Variants in NPAS3 observed in about 807,000 individuals in gnomAD.
NPAS3 encodes the protein neuronal PAS domain protein 3, also known as neuronal PAS domain-containing protein 3.
Under a neutral mutation model 73.1 loss-of-function variants are expected in NPAS3, and 14 were observed. The ratio of observed to expected loss-of-function variants is 0.19; its 90% CI spans 0.13 to 0.30. The LOEUF is 0.30. Among genes scored for constraint, NPAS3 ranks in the 10% least tolerant of loss-of-function variants. NPAS3 has a pLI of 1.00. For missense variants in NPAS3, 1,096 were observed against 1,250.0 expected (o/e 0.88, Z 1.86); for synonymous variants, 620 against 541.5 (o/e 1.14, Z -2.01).
Position 33,629,884 on chromosome 14 carries a change from T to C in NPAS3, c.559-46327T>C, listed in dbSNP as rs923288350. 4.6e-5 allele frequency among the ~76,000 whole-genome samples: 7 copies of C among 152,310 alleles called. No homozygotes were observed. The South Asian group carries it at 1.2e-3, about 27-fold the overall frequency. On this transcript the variant is annotated intron_variant, in intron 5 of 11. Coordinates refer to ENST00000356141, the Ensembl canonical transcript of NPAS3. ...TGATAGATAGCTCATGATTAAAATA[T>C]CTCTTTTCTTTGTGCAATGAGCCAG... is the stretch of plus-strand genomic sequence containing the variant.
At chr14:33,778,886 C>T (rs2062898958) in intron 9 of NPAS3, among the ~76,000 whole-genome samples, 1 of 152,138 alleles carries the variant, frequency 6.6e-6, no homozygotes, top group African/African-American at 2.4e-5. Context: ...CTTTCATTTT[C>T]TGGAGAACAA....
At chr14:33,634,760 T>C (rs988478420) in intron 5 of NPAS3, among the ~76,000 whole-genome samples, 1 of 152,142 alleles carries the variant, frequency 6.6e-6, no homozygotes, top group Non-Finnish European at 1.5e-5. Context: ...TGTGGAACAT[T>C]GTGGTAGAGA....
At chr14:33,773,349 G>A (rs1201825844) in intron 7 of NPAS3, among the ~76,000 whole-genome samples, 3 of 152,160 alleles carry the variant, frequency 2.0e-5, no homozygotes, top group African/African-American at 7.2e-5. Context: ...TGGCTTTGGA[G>A]GATTCCCCAC....
At chr14:32,948,243 T>TA (rs1362475477) in intron 1 of NPAS3, among the ~76,000 whole-genome samples, 2 of 152,148 alleles carry the variant, frequency 1.3e-5, no homozygotes, top group Non-Finnish European at 2.9e-5. Context: ...CATAAATACT[T>TA]AAAAAATTTA....
At chr14:33,615,888 A>G (rs1376539628) in intron 5 of NPAS3, among the ~76,000 whole-genome samples, 1 of 152,084 alleles carries the variant, frequency 6.6e-6, no homozygotes, top group Admixed American at 6.5e-5. Context: ...CCGAGGCAAA[A>G]ATGTTGCCCT....
At chr14:33,352,044 A>T (rs1594752923) in intron 3 of NPAS3, among the ~76,000 whole-genome samples, 1 of 108,388 alleles carries the variant, frequency 9.2e-6, no homozygotes, top group Admixed American at 8.3e-5. Flanking sequence ...TTAACGTGTT[A>T]AAAAAAAAAC....
chr14:33,761,410 ACTT>A (rs1216955113), intron 7 of NPAS3, among the ~76,000 whole-genome samples: 1 of 152,174 alleles, frequency 6.6e-6, no homozygotes, highest in Non-Finnish European at 1.5e-5. Flanking sequence ...AACCCTGTGC[ACTT>A]CAAGAGCCAT....
intron 1 of NPAS3, among the ~76,000 whole-genome samples, chr14:32,952,648 G>C (rs554916347): frequency 1.3e-5 from 2 of 152,164 alleles, no homozygotes; most frequent in Admixed American, 6.6e-5. Flanking sequence ...TAAATGTCAT[G>C]AATTGGGTTA....
chr14:33,528,080 A>G, intron 4 of NPAS3, among the ~76,000 whole-genome samples: 1 of 152,088 alleles, frequency 6.6e-6, no homozygotes, highest in East Asian at 1.9e-4. Flanking sequence ...CCCCTTCAAG[A>G]GAAAAAATTC....
At chr14:33,756,090 T>C (rs1336455833) in intron 7 of NPAS3, among the ~76,000 whole-genome samples, 7 of 152,196 alleles carry the variant, frequency 4.6e-5, no homozygotes. Flanking sequence ...TGAGGGCAAA[T>C]ACCCAAACCA....
At chr14:32,974,138 G>A (rs1216254786) in intron 1 of NPAS3, among the ~76,000 whole-genome samples, 2 of 152,108 alleles carry the variant, frequency 1.3e-5, no homozygotes, top group Non-Finnish European at 2.9e-5. Flanking sequence ...TCATTTACAT[G>A]AGGAGAACTG....
chr14:33,248,997 T>C (rs1469677464), intron 3 of NPAS3, among the ~76,000 whole-genome samples: 1 of 152,192 alleles, frequency 6.6e-6, no homozygotes, highest in Admixed American at 6.5e-5. Flanking sequence ...GGGCTTAAAG[T>C]ATTGACTGTA....
chr14:33,274,807 A>T (rs2041253346), intron 3 of NPAS3, among the ~76,000 whole-genome samples: 1 of 152,146 alleles, frequency 6.6e-6, no homozygotes, highest in African/African-American at 2.4e-5. Flanking sequence ...TCTTCCTTGG[A>T]CCACAGTGCC....
chr14:33,504,233 T>A (rs1188757141), intron 4 of NPAS3, among the ~76,000 whole-genome samples: 2 of 152,038 alleles, frequency 1.3e-5, no homozygotes, highest in Non-Finnish European at 2.9e-5. Context: ...CTGAGCAGGC[T>A]ACCATCTTGA....
chr14:33,305,587 T>A (rs2042722468), intron 3 of NPAS3, among the ~76,000 whole-genome samples: 1 of 152,152 alleles, frequency 6.6e-6, no homozygotes, highest in African/African-American at 2.4e-5. Context: ...ATATATTTAC[T>A]ATACCTAGTA....
chr14:32,938,457 AAGAGAG>A (rs139406191), upstream of NPAS3, among the ~76,000 whole-genome samples: 5,076 of 67,926 alleles, frequency 0.075, 306 homozygotes, highest in Middle Eastern at 0.19. Context: ...CCCAACGAGA[AAGAGAG>A]AGAGAGAGAG....
At chr14:33,000,208 C>T (rs1170366304) in intron 1 of NPAS3, among the ~76,000 whole-genome samples, 2 of 152,058 alleles carry the variant, frequency 1.3e-5, no homozygotes, top group Non-Finnish European at 2.9e-5. Context: ...TTGCCCAGGT[C>T]ACATAAGTGT....
chr14:33,139,465 A>G (rs1566601417), intron 2 of NPAS3, among the ~76,000 whole-genome samples: 1 of 152,194 alleles, frequency 6.6e-6, no homozygotes, highest in Non-Finnish European at 1.5e-5. Context: ...TGGGAATCTT[A>G]TATCATTGGA....
chr14:33,584,641 C>G (rs531743064), intron 5 of NPAS3, among the ~76,000 whole-genome samples: 4 of 152,262 alleles, frequency 2.6e-5, no homozygotes, highest in African/African-American at 9.6e-5. Context: ...GATGAGATAA[C>G]CTGTCCTTGG....
Sources: allele counts gnomAD v4.1 joint callset (sites outside exome capture counted in the v4.1 genomes callset), GRCh38; gene constraint gnomAD v4.1.1; transcripts MANE v1.5; gene names NCBI Gene and HGNC (gene_info 2026-07-23, HGNC 2026-07-21).